Variants in CRISPLD2 observed in about 807,000 individuals in gnomAD.
CRISPLD2 encodes cysteine-rich secretory protein LCCL domain-containing 2.
Under a neutral mutation model 71.1 loss-of-function variants are expected in CRISPLD2, and 47 were observed. The observed-to-expected ratio is 0.66, with a 90% CI of 0.52 to 0.84. The LOEUF (loss-of-function observed/expected upper bound fraction) is 0.84. CRISPLD2 is among the 40% of genes least tolerant of loss of function. CRISPLD2 has a pLI of 0.00. For missense variants in CRISPLD2, 830 were observed against 651.1 expected (o/e 1.27, Z -2.99); for synonymous variants, 317 against 250.1 (o/e 1.27, Z -2.52).
rs2143345128 is a variant in CRISPLD2 at position 84,889,374 on chromosome 16, G to A, written c.1439+11G>A. 7 of 1,605,064 alleles carry A rather than the reference G, an allele frequency of 4.4e-6. No individual in the cohort carries two copies. Among genetic ancestry groups the A allele is most frequent in the Non-Finnish European group, 6.0e-6 (7 of 1,174,296 alleles). On this transcript the variant is annotated intron_variant, in intron 14 of 14. Coordinates refer to ENST00000262424, the MANE Select transcript of CRISPLD2 (RefSeq NM_031476.4). The stretch of plus-strand genomic sequence containing the variant: ...AGTTCAGTCTGAAAGGTAGGGTGGT[G>A]TTCTCCAACCCTTGACACCCAATCC...
intron 14 of CRISPLD2, among the ~76,000 whole-genome samples, chr16:84,904,060 C>G (rs2071779491): frequency 6.6e-6 from 1 of 152,160 alleles, no homozygotes; most frequent in South Asian, 2.1e-4. Context: ...CCAGTTGGTC[C>G]AAAGGTGCAG....
At chr16:84,899,357 G>A (rs1350651506) in intron 14 of CRISPLD2, among the ~76,000 whole-genome samples, 1 of 145,992 alleles carries the variant, frequency 6.8e-6, no homozygotes, top group Admixed American at 6.9e-5. Context: ...TCCAAAAAGA[G>A]AATCAGAGGG....
chr16:84,879,547 A>T (rs1055573653), intron 12 of CRISPLD2, among the ~76,000 whole-genome samples: 22 of 152,210 alleles, frequency 1.4e-4, no homozygotes, highest in African/African-American at 5.1e-4. Context: ...TTTTTAGTAG[A>T]GATGGGGTTT....
intron 1 of CRISPLD2, among the ~76,000 whole-genome samples, chr16:84,830,009 C>T (rs1916448420): frequency 6.6e-6 from 1 of 152,208 alleles, no homozygotes; most frequent in South Asian, 2.1e-4. Flanking sequence ...CTGGCTCATA[C>T]CAGCTCTTGA....
intron 3 of CRISPLD2, among the ~76,000 whole-genome samples, chr16:84,847,686 G>T (rs73250070): frequency 6.6e-6 from 1 of 151,948 alleles, no homozygotes; most frequent in Admixed American, 6.5e-5. Flanking sequence ...ACATGAAAGT[G>T]AAGTGTCTAA....
rs776123537 is a variant in CRISPLD2 at position 84,845,845 on chromosome 16, G to T, written c.300G>T (p.Glu100Asp). 6.2e-7 allele frequency: 1 copy of T among 1,614,092 alleles called. No homozygotes were observed. The highest frequency in any genetic ancestry group is 8.5e-7 in the Non-Finnish European group (1 of 1,179,934). The change falls in exon 3 of 15, where the codon GAG becomes GAT. Residue 100 changes from glutamate (E) to aspartate (D), a missense_variant. Glu to Asp is a conservative substitution (Grantham distance 45, BLOSUM62 2). Coordinates refer to ENST00000262424, the MANE Select transcript of CRISPLD2 (RefSeq NM_031476.4). ...AAAWASQCIW[E>D]HGPTSLLVSI... Reference sequence around the variant, plus strand: ...CGTGGGCCAGTCAGTGCATCTGGGAGCACGGGCCCACCAGTCTGCTGGTGT... The same window carrying T: ...CGTGGGCCAGTCAGTGCATCTGGGATCACGGGCCCACCAGTCTGCTGGTGT...
chr16:84,894,753 G>T (rs2071691489), intron 14 of CRISPLD2, among the ~76,000 whole-genome samples: 1 of 151,984 alleles, frequency 6.6e-6, no homozygotes, highest in Non-Finnish European at 1.5e-5. Flanking sequence ...TCTTTTTTGG[G>T]TATAAGGTCT....
At chr16:84,859,893 G>T (rs1280944346) in intron 6 of CRISPLD2, among the ~76,000 whole-genome samples, 1 of 152,322 alleles carries the variant, frequency 6.6e-6, no homozygotes, top group Middle Eastern at 3.4e-3. Flanking sequence ...TTTAAATTTT[G>T]TAGTTGAGTG....
chr16:84,852,568 C>T (rs1197580880), intron 5 of CRISPLD2, among the ~76,000 whole-genome samples: 2 of 152,200 alleles, frequency 1.3e-5, no homozygotes, highest in African/African-American at 4.8e-5. Context: ...TGTCCATGGC[C>T]TCTGTCTTAG....
chr16:84,841,739 G>A (rs1192601847), intron 2 of CRISPLD2, among the ~76,000 whole-genome samples: 1 of 152,008 alleles, frequency 6.6e-6, no homozygotes, highest in Non-Finnish European at 1.5e-5. Context: ...GGGATTATAG[G>A]TGCCCACCAC....
At chr16:84,837,713 G>C (rs945117531) in intron 1 of CRISPLD2, among the ~76,000 whole-genome samples, 1 of 152,270 alleles carries the variant, frequency 6.6e-6, no homozygotes, top group East Asian at 1.9e-4. Flanking sequence ...CACCGCCCCC[G>C]GCCAGCCACA....
chr16:84,857,987 C>G (rs767211073), intron 6 of CRISPLD2, among the ~76,000 whole-genome samples: 2 of 152,186 alleles, frequency 1.3e-5, no homozygotes, highest in Non-Finnish European at 2.9e-5. Context: ...CACATGGTGA[C>G]TTGATGACCC....
At chr16:84,843,273 G>A (rs12596928) in intron 2 of CRISPLD2, among the ~76,000 whole-genome samples, 20,032 of 152,168 alleles carry the variant, frequency 0.13, 2,882 homozygotes, top group African/African-American at 0.36. Context: ...TCAGCACTGC[G>A]CTGCATTGCC....
At chr16:84,827,489 G>A (rs887881708) in intron 1 of CRISPLD2, among the ~76,000 whole-genome samples, 1 of 151,504 alleles carries the variant, frequency 6.6e-6, no homozygotes, top group African/African-American at 2.4e-5. Context: ...CCTCGGTCAC[G>A]GTCACGCCTC....
At chr16:84,860,910 G>C (rs1490964275) in intron 6 of CRISPLD2, among the ~76,000 whole-genome samples, 1 of 152,152 alleles carries the variant, frequency 6.6e-6, no homozygotes, top group Non-Finnish European at 1.5e-5. Flanking sequence ...CTCAGTATCT[G>C]CTTCTGAAGC....
At chr16:84,904,857 C>G (rs1452797029) in intron 14 of CRISPLD2, among the ~76,000 whole-genome samples, 1 of 152,148 alleles carries the variant, frequency 6.6e-6, no homozygotes, top group African/African-American at 2.4e-5. Context: ...TTACAGATGT[C>G]TGAGAAAACA....
chr16:84,862,997 C>G (rs1254651185), intron 6 of CRISPLD2: 1 of 152,176 alleles, frequency 6.6e-6, no homozygotes, highest in Non-Finnish European at 1.5e-5. Context: ...GGTCATGTAT[C>G]ACCTGTTGCA....
At chr16:84,905,323 A>G (rs193136187) in intron 14 of CRISPLD2, among the ~76,000 whole-genome samples, 4 of 152,250 alleles carry the variant, frequency 2.6e-5, no homozygotes, top group African/African-American at 7.2e-5. Flanking sequence ...ACTCTATAAA[A>G]TCTCTAAAAA....
intron 14 of CRISPLD2, among the ~76,000 whole-genome samples, chr16:84,895,754 C>G (rs970764295): frequency 8.5e-5 from 13 of 152,278 alleles, no homozygotes; most frequent in Admixed American, 8.5e-4. Flanking sequence ...AGGTTTAAAC[C>G]TAGCAGGGGC....
Sources: allele counts gnomAD v4.1 joint callset (sites outside exome capture counted in the v4.1 genomes callset), GRCh38; gene constraint gnomAD v4.1.1; transcripts MANE v1.5; gene names NCBI Gene and HGNC (gene_info 2026-07-23, HGNC 2026-07-21).